URB1: variants seen among roughly 807,000 people sequenced by gnomAD.
The protein encoded by URB1 is URB1 ribosome biogenesis factor.
URB1 carries 197 observed loss-of-function variants against 242.3 expected under a neutral mutation model. The observed-to-expected ratio is 0.81, with a 90% CI of 0.72 to 0.91. The LOEUF (loss-of-function observed/expected upper bound fraction) is 0.91, where lower values mean the gene tolerates loss of function less well. Among genes scored for constraint, URB1 ranks in the 40% least tolerant of loss-of-function variants. URB1 has a pLI of 0.00. For missense variants in URB1, 2,721 were observed against 2,860.5 expected (o/e 0.95, Z 1.11); for synonymous variants, 1,153 against 1,201.8 (o/e 0.96, Z 0.84).
Position 32,317,738 on chromosome 21 carries a change from T to C in URB1, c.5972A>G (p.Asp1991Gly). Residue 1991 changes from aspartate (D) to glycine (G), a missense_variant, in exon 37 of 39, where the codon GAC (aspartate) becomes GGC (glycine). By Grantham distance (94) the Asp-to-Gly change is moderately conservative. Coordinates refer to ENST00000382751, the MANE Select transcript of URB1 (RefSeq NM_014825.3). Reference protein sequence around the residue: ...LLHKWSLIERDLKLQEDLRAA... With the variant: ...LLHKWSLIERGLKLQEDLRAA... ...TCTCAGGTCTTCCTGGAGCTTGAGG[T>C]CTCTTTCAATGAGGCTCCACTTGTG... The C allele has an allele frequency of 6.4e-7, 1 of 1,551,722 alleles. No individual in the cohort carries two copies. Among genetic ancestry groups the C allele is most frequent in the Non-Finnish European group, 8.7e-7 (1 of 1,146,998 alleles).
intron 9 of URB1, among the ~76,000 whole-genome samples, chr21:32,367,985 T>C (rs2033364697): frequency 6.6e-6 from 1 of 152,232 alleles, no homozygotes; most frequent in African/African-American, 2.4e-5. Context: ...TCCCTTTTTA[T>C]CCCTGAAAGG....
chr21:32,365,329 T>A, intron 10 of URB1, among the ~76,000 whole-genome samples: 1 of 152,084 alleles, frequency 6.6e-6, no homozygotes, highest in South Asian at 2.1e-4. Context: ...TGCGCACCTG[T>A]AGTCCCAGCT....
At chr21:32,320,748 G>T in intron 34 of URB1, 108 bp from the exon 35 acceptor site, 2 of 798,688 alleles carry the variant, frequency 2.5e-6, no homozygotes, top group Non-Finnish European at 4.1e-6. Flanking sequence ...GGTGGTGGCT[G>T]CAAATGAAGC....
intron 1 of URB1, among the ~76,000 whole-genome samples, chr21:32,390,382 T>C (rs529340313): frequency 6.6e-6 from 1 of 152,338 alleles, no homozygotes; most frequent in East Asian, 1.9e-4. Flanking sequence ...CCAGTGATGA[T>C]GAGCATTTTT....
intron 17 of URB1, 115 bp from the exon 18 acceptor site, chr21:32,354,218 T>C (rs1226831957): frequency 1.7e-6 from 2 of 1,178,268 alleles, no homozygotes; most frequent in African/African-American, 3.1e-5. Context: ...GCCAAATTCC[T>C]CTTGGGGGGA....
At chr21:32,328,733 A>G (rs1241788049) in intron 30 of URB1, among the ~76,000 whole-genome samples, 1 of 152,238 alleles carries the variant, frequency 6.6e-6, no homozygotes, top group African/African-American at 2.4e-5. Flanking sequence ...CGTGTCCATG[A>G]GGAAAAGTCA....
At position 32,375,402 on chromosome 21, in the gene URB1, G is replaced by C. The variant is rs1026336792; in HGVS notation, c.746C>G (p.Thr249Arg). The C allele has an allele frequency of 4.6e-6, 7 of 1,522,266 alleles. No individual in the cohort carries two copies. Among genetic ancestry groups the C allele is most frequent in the African/African-American group, 2.8e-5 (2 of 71,398 alleles). The allele number at this position is 1,522,266 out of a possible 1,614,324, so 94.3% of individuals were successfully genotyped here. Reference sequence around the variant, plus strand: ...CGCGGATCACCAAGCACATACCTTTGTTTTCAGTGTGGATAATAAAATATT... The same window carrying C: ...CGCGGATCACCAAGCACATACCTTTCTTTTCAGTGTGGATAATAAAATATT... ...TINILLSTLK[T>R]KVVHNKNITK... The change falls in exon 6 of 39, where the codon ACA becomes AGA. Residue 249 changes from threonine (T) to arginine (R), a missense_variant. By Grantham distance (71) the Thr-to-Arg change is moderately conservative (BLOSUM62 -1). Transcript: ENST00000382751.
intron 12 of URB1, 145 bp downstream of exon 12, chr21:32,361,747 A>G (rs1314653628): frequency 1.6e-5 from 19 of 1,195,188 alleles, no homozygotes; most frequent in Non-Finnish European, 2.0e-5. Flanking sequence ...CCTAAGCAAA[A>G]AAGGATATAG....
intron 9 of URB1, 21 bp from the exon 10 acceptor site, chr21:32,366,776 A>G (rs1473127882): frequency 6.5e-7 from 1 of 1,550,380 alleles, no homozygotes; most frequent in Non-Finnish European, 8.7e-7. Context: ...CAAAAAAGAG[A>G]TTTAGGTGGT....
At chr21:32,370,228 C>T (rs1293027577) in intron 8 of URB1, among the ~76,000 whole-genome samples, 12 of 152,094 alleles carry the variant, frequency 7.9e-5, no homozygotes, top group Admixed American at 3.3e-4. Flanking sequence ...CGGTGTCTCA[C>T]ATCCCCCTTA....
chr21:32,351,475 G>A (rs958318338), intron 19 of URB1, among the ~76,000 whole-genome samples: 2 of 152,162 alleles, frequency 1.3e-5, no homozygotes, highest in Non-Finnish European at 2.9e-5. Flanking sequence ...GGCTTATGTT[G>A]CTATAATTCC....
In URB1 at chr21:32,337,526, C is replaced by T. The variant is rs1387145971; in HGVS notation, c.4511-12G>A. The T allele has an allele frequency of 2.3e-5, 35 of 1,550,690 alleles. No homozygotes were observed. The highest frequency in any genetic ancestry group is 3.0e-5 in the Non-Finnish European group (34 of 1,146,172). On this transcript the variant is annotated splice_polypyrimidine_tract_variant and intron_variant, in intron 26 of 38. Transcript: ENST00000382751. Reference sequence around the variant, plus strand: ...GTCCACCAGCGCTTCTGCAAGAAAACAACCCTGAAACACATGGCATGGTGG... The same window carrying T: ...GTCCACCAGCGCTTCTGCAAGAAAATAACCCTGAAACACATGGCATGGTGG...
In URB1 at chr21:32,383,698, T is replaced by C. The variant is rs150942632; in HGVS notation, c.435-144A>G. 2,193 of 1,011,590 alleles carry C rather than the reference T, an allele frequency of 2.2e-3. 25 individuals are homozygous for C. The African/African-American group carries it at 0.023, about 11-fold the overall frequency. The allele number at this position is 1,011,590 out of a possible 1,614,324, so 62.7% of individuals were successfully genotyped here. A position where few individuals can be genotyped will look rare whatever the true frequency, so the allele number is the denominator to read the frequency against. The stretch of plus-strand genomic sequence containing the variant: ...AGAAGGAAAAAGACATGCTCTTTTT[T>C]TAAGGAAAAAGAAAAAAAAAAGCAT... On this transcript the variant is annotated intron_variant, in intron 3 of 38. Coordinates refer to ENST00000382751, the MANE Select transcript of URB1 (RefSeq NM_014825.3).
rs2032590515 is a variant in URB1, at chr21:32,311,962, C to T, written c.*2956G>A. The T allele has an allele frequency of 6.2e-7, 1 of 1,613,486 alleles. No homozygotes were observed. ...GTCAGGAGCAAGCCCAGCGAGCCTC[C>T]CCCTGGAGACAGGACCTCTCAATTG... On this transcript the variant is annotated 3_prime_UTR_variant, in exon 39 of 39. Transcript: ENST00000382751.
chr21:32,357,210 T>G (rs1327257839), intron 15 of URB1, among the ~76,000 whole-genome samples: 1 of 151,406 alleles, frequency 6.6e-6, no homozygotes, highest in Non-Finnish European at 1.5e-5. Flanking sequence ...CTGAAAGCCC[T>G]GGATAACGCC....
Position 32,350,865 on chromosome 21 carries a change from T to C in URB1, c.2671A>G (p.Thr891Ala). 1.9e-6 allele frequency: 3 copies of C among 1,550,474 alleles called. No homozygotes were observed. The highest frequency in any genetic ancestry group is 2.6e-6 in the Non-Finnish European group (3 of 1,146,924). Residue 891 changes from threonine (T) to alanine (A), a missense_variant, in exon 20 of 39, where the codon ACA (threonine) becomes GCA (alanine). Physicochemically the swap from Thr to Ala is moderately conservative, Grantham distance 58. Transcript: ENST00000382751. ...PPALPLASSF[T>A]ALLQAAYESQ... ...TCGTAGGCTGCCTGCAGCAGGGCTG[T>C]GAAGGACGAGGCCAAGGGAAGGGCA...
rs2033203111 is a variant in URB1 at position 32,354,991 on chromosome 21, A to G, written c.2113T>C (p.Leu705=). ...GAATAGGGATTCGCCACCAATGTCA[A>G]TAAAATCTGGGCATTAAAGAGCCAA... ...TVIQFLERIL[L]TLVANPYSYT... The change falls in exon 17 of 39, where the codon TTG becomes CTG. Residue 705 remains leucine (L), a synonymous_variant. Transcript: ENST00000382751. 3 of 1,549,156 alleles carry G rather than the reference A, an allele frequency of 1.9e-6. No homozygotes were observed. The highest frequency in any genetic ancestry group is 8.7e-7 in the Non-Finnish European group (1 of 1,144,992).
chr21:32,361,616 A>T (rs1211494829), intron 12 of URB1, among the ~76,000 whole-genome samples: 1 of 152,212 alleles, frequency 6.6e-6, no homozygotes, highest in Non-Finnish European at 1.5e-5. Context: ...CATCCCTGGA[A>T]AGGCCAGAGC....
intron 37 of URB1, 37 bp from the exon 38 acceptor site, chr21:32,317,102 G>T (rs761385496): frequency 1.9e-5 from 28 of 1,485,428 alleles, no homozygotes; most frequent in Non-Finnish European, 2.3e-5. Flanking sequence ...TGAGACTGGG[G>T]TCCCTCCTGC....
Sources: allele counts gnomAD v4.1 joint callset (sites outside exome capture counted in the v4.1 genomes callset), GRCh38; gene constraint gnomAD v4.1.1; transcripts MANE v1.5; gene names NCBI Gene and HGNC (gene_info 2026-07-23, HGNC 2026-07-21).